CPNE8: variants seen among roughly 807,000 people sequenced by gnomAD.
The protein encoded by CPNE8 is copine-8.
Under a neutral mutation model 81.5 loss-of-function variants are expected in CPNE8, and 45 were observed. The observed-to-expected ratio is 0.55, with a 90% CI of 0.44 to 0.71. The LOEUF (loss-of-function observed/expected upper bound fraction) is 0.71. CPNE8 is among the 30% of genes least tolerant of loss of function. The pLI is 0.00. For missense variants in CPNE8, 594 were observed against 672.1 expected, an observed-to-expected ratio of 0.88 and a Z score of 1.28; for synonymous variants, 252 against 226.3, an observed-to-expected ratio of 1.11 and a Z score of -1.02.
intron 13 of CPNE8, among the ~76,000 whole-genome samples, chr12:38,713,982 C>T (rs186718359): frequency 6.6e-6 from 1 of 152,216 alleles, no homozygotes; most frequent in African/African-American, 2.4e-5. Context: ...TGTTTTCCCC[C>T]TTCATCTGCC....
At chr12:38,759,596 T>G (rs1279174047) in intron 10 of CPNE8, among the ~76,000 whole-genome samples, 1 of 152,210 alleles carries the variant, frequency 6.6e-6, no homozygotes, top group Non-Finnish European at 1.5e-5. Context: ...AAATCAGTGT[T>G]ATAACTCTTT....
chr12:38,655,174 A>T lies in CPNE8; in HGVS notation c.1507-1104T>A, dbSNP rs1183754715. ...GTGGTTTTTCAATGGCAAAAACCGC[A>T]ATTACTTTTGCACCACCCTTAATAA... On this transcript the variant is annotated intron_variant, in intron 19 of 19. Transcript: ENST00000331366. 2.0e-5 allele frequency among the ~76,000 whole-genome samples: 3 copies of T among 152,202 alleles called. No individual in the cohort carries two copies. The East Asian group carries it at 5.8e-4, about 29-fold the overall frequency.
chr12:38,780,391 C>G (rs1942025372), intron 6 of CPNE8, among the ~76,000 whole-genome samples: 1 of 151,964 alleles, frequency 6.6e-6, no homozygotes, highest in Non-Finnish European at 1.5e-5. Context: ...AATCAGAGTT[C>G]CAGTAGAAGA....
At chr12:38,879,156 C>A (rs1455710337) in intron 1 of CPNE8, among the ~76,000 whole-genome samples, 2 of 152,092 alleles carry the variant, frequency 1.3e-5, no homozygotes, top group African/African-American at 4.8e-5. Flanking sequence ...CTCCAACCAG[C>A]CTGTGCACTG....
intron 6 of CPNE8, among the ~76,000 whole-genome samples, chr12:38,780,378 T>C (rs1942025037): frequency 6.6e-6 from 1 of 152,056 alleles, no homozygotes; most frequent in Non-Finnish European, 1.5e-5. Context: ...TAATAATATG[T>C]TTAATCAGAG....
At chr12:38,799,687 C>G (rs778294465) in intron 6 of CPNE8, among the ~76,000 whole-genome samples, 4 of 151,864 alleles carry the variant, frequency 2.6e-5, no homozygotes, top group Non-Finnish European at 4.4e-5. Context: ...CTCCGGTCTA[C>G]AGCTCCCAGC....
In CPNE8 at chr12:38,779,335, A is replaced by T. The variant is rs540477433; in HGVS notation, c.408-3034T>A. Reference sequence around the variant, plus strand: ...CTTAGGGCACAAAAATTAGAGAGAAAATCAAGAGGAGGTGGGACTCACAAG... The same window carrying T: ...CTTAGGGCACAAAAATTAGAGAGAATATCAAGAGGAGGTGGGACTCACAAG... On this transcript the variant is annotated intron_variant, in intron 6 of 19. Coordinates refer to ENST00000331366, the MANE Select transcript of CPNE8 (RefSeq NM_153634.3). Among the ~76,000 whole-genome samples, 6 of 152,232 alleles carry T rather than the reference A, an allele frequency of 3.9e-5. No individual in the cohort carries two copies. In the East Asian group the frequency reaches 1.2e-3, roughly 29 times the overall value.
At chr12:38,771,585 G>A (rs1941805294) in intron 7 of CPNE8, among the ~76,000 whole-genome samples, 1 of 152,110 alleles carries the variant, frequency 6.6e-6, no homozygotes, top group African/African-American at 2.4e-5. Flanking sequence ...ATCAAAATAA[G>A]TTGAGATAAT....
intron 10 of CPNE8, among the ~76,000 whole-genome samples, chr12:38,751,343 T>TA (rs755534419): frequency 1.8e-4 from 28 of 152,236 alleles, no homozygotes; most frequent in Non-Finnish European, 7.3e-5. Flanking sequence ...AAAAAATTGT[T>TA]AAAGTCTCTG....
At chr12:38,796,467 G>C (rs953565742) in intron 6 of CPNE8, among the ~76,000 whole-genome samples, 3 of 152,108 alleles carry the variant, frequency 2.0e-5, no homozygotes, top group East Asian at 1.9e-4. Flanking sequence ...TCAAAGCATA[G>C]TATATAAAAA....
At chr12:38,679,137 T>C (rs1047475621) in intron 16 of CPNE8, among the ~76,000 whole-genome samples, 4 of 151,844 alleles carry the variant, frequency 2.6e-5, no homozygotes, top group Non-Finnish European at 4.4e-5. Flanking sequence ...TAAATAGTAG[T>C]GAAAACCTTC....
chr12:38,766,433 T>C (rs948306997), intron 8 of CPNE8, among the ~76,000 whole-genome samples: 2 of 152,176 alleles, frequency 1.3e-5, no homozygotes, highest in Non-Finnish European at 2.9e-5. Context: ...ATAAAATTAG[T>C]GTTCAGATGC....
At chr12:38,830,334 T>C (rs143879716) in intron 5 of CPNE8, among the ~76,000 whole-genome samples, 1 of 152,242 alleles carries the variant, frequency 6.6e-6, no homozygotes, top group East Asian at 1.9e-4. Context: ...AAACTAAAAC[T>C]CTAGAAGGTT....
At chr12:38,840,501 T>C (rs990627935) in intron 4 of CPNE8, among the ~76,000 whole-genome samples, 1 of 152,174 alleles carries the variant, frequency 6.6e-6, no homozygotes, top group Non-Finnish European at 1.5e-5. Flanking sequence ...TCCTGTATTA[T>C]TTTTTACAAC....
At chr12:38,670,361 T>G (rs1939147463) in intron 19 of CPNE8, among the ~76,000 whole-genome samples, 1 of 152,174 alleles carries the variant, frequency 6.6e-6, no homozygotes, top group Admixed American at 6.6e-5. Context: ...GAACTACATT[T>G]AATTACTGGT....
At chr12:38,686,823 C>A (rs1173433807) in intron 15 of CPNE8, among the ~76,000 whole-genome samples, 1 of 152,138 alleles carries the variant, frequency 6.6e-6, no homozygotes. Context: ...AGCTAACTTT[C>A]CCCAGATTGA....
chr12:38,797,379 T>C (rs1359220548), intron 6 of CPNE8, among the ~76,000 whole-genome samples: 2 of 152,308 alleles, frequency 1.3e-5, no homozygotes, highest in East Asian at 3.9e-4. Flanking sequence ...GACGGCAGCA[T>C]TCGTGTTTCA....
Position 38,652,911 on chromosome 12 carries a change from T to C in CPNE8, c.*971A>G, listed in dbSNP as rs1163620817. Reference sequence around the variant, plus strand: ...AGCCTGTGCACCTTGTGTGGCAACGTGGAATGGTGATAACAAGAAATTCCG... The same window carrying C: ...AGCCTGTGCACCTTGTGTGGCAACGCGGAATGGTGATAACAAGAAATTCCG... On this transcript the variant is annotated 3_prime_UTR_variant, in exon 20 of 20. Coordinates refer to ENST00000331366, the MANE Select transcript of CPNE8 (RefSeq NM_153634.3). 2.0e-5 allele frequency: 3 copies of C among 152,600 alleles called. No individual in the cohort carries two copies. Among genetic ancestry groups the C allele is most frequent in the South Asian group, 2.1e-4 (1 of 4,828 alleles). 9.5% of individuals were successfully genotyped at this position (152,600 alleles called of 1,614,324 possible).
intron 10 of CPNE8, among the ~76,000 whole-genome samples, chr12:38,731,810 G>A (rs779241845): frequency 3.9e-5 from 6 of 151,946 alleles, no homozygotes; most frequent in South Asian, 4.1e-4. Context: ...AGTACAATTC[G>A]TATGAAATCC....
Sources: allele counts gnomAD v4.1 joint callset (sites outside exome capture counted in the v4.1 genomes callset), GRCh38; gene constraint gnomAD v4.1.1; transcripts MANE v1.5; gene names NCBI Gene and HGNC (gene_info 2026-07-23, HGNC 2026-07-21).